DNASE2B: variants seen among roughly 807,000 people sequenced by gnomAD.
DNASE2B encodes the protein deoxyribonuclease-2-beta.
A neutral mutation model predicts 46.0 loss-of-function variants in DNASE2B; 43 were observed. That is an observed-to-expected ratio of 0.94 (90% CI 0.73 to 1.21). The LOEUF (loss-of-function observed/expected upper bound fraction) is 1.21. Among genes scored for constraint, DNASE2B ranks in the 50% most tolerant of loss-of-function variants. The pLI, the probability that DNASE2B is intolerant of heterozygous loss-of-function variation, is 0.00. For synonymous variants in DNASE2B, 156 were observed against 152.5 expected (o/e 1.02, Z -0.17); for missense variants, 395 against 414.4 (o/e 0.95, Z 0.41).
chr1:84,398,782 T>C (rs1680350847), intron 1 of DNASE2B, 93 bp downstream of exon 1: 1 of 1,511,714 alleles, frequency 6.6e-7, no homozygotes, highest in Non-Finnish European at 8.9e-7. Context: ...GGAATGTCCA[T>C]TCTCTTTCCT....
chr1:84,407,940 T>A (rs955168131), intron 2 of DNASE2B, among the ~76,000 whole-genome samples: 3 of 152,056 alleles, frequency 2.0e-5, no homozygotes, highest in Middle Eastern at 3.2e-3. Context: ...GGGATCCTGA[T>A]TAAACACAAC....
chr1:84,410,735 A>T, intron 3 of DNASE2B, 103 bp from the exon 4 acceptor site: 1 of 1,078,680 alleles, frequency 9.3e-7, no homozygotes. Context: ...CTAATAAAAC[A>T]CTAGTCTGAA....
chr1:84,398,823 C>A, intron 1 of DNASE2B, 134 bp downstream of exon 1: 1 of 1,341,394 alleles, frequency 7.5e-7, no homozygotes. Context: ...TTAAAGTGTG[C>A]AAATCGGCCA....
Position 84,398,677 on chromosome 1 carries a change from A to G in DNASE2B, c.113A>G (p.Lys38Arg), listed in dbSNP as rs1680348010. ...ATTTCATGCAGAAATGAAGAAGGGA[A>G]AGCTGTGGACTGGTAGGTAAATGAA... ...ATISCRNEEGKAVDWFTFYKL... is the reference protein window; with the variant it reads ...ATISCRNEEGRAVDWFTFYKL... The change falls in exon 1 of 6, where the codon AAA becomes AGA. Residue 38 changes from lysine (K) to arginine (R), a missense_variant. By Grantham distance (26) the Lys-to-Arg change is conservative (BLOSUM62 2). Transcript: ENST00000370665. 1 of 1,613,872 alleles carries G rather than the reference A, an allele frequency of 6.2e-7. No individual in the cohort carries two copies.
At chr1:84,405,660 G>T (rs1680481256) in intron 2 of DNASE2B, among the ~76,000 whole-genome samples, 1 of 152,196 alleles carries the variant, frequency 6.6e-6, no homozygotes, top group South Asian at 2.1e-4. Context: ...GATCACTTTT[G>T]ACTACAGTAT....
intron 1 of DNASE2B, among the ~76,000 whole-genome samples, chr1:84,400,858 A>G (rs982682580): frequency 2.0e-5 from 3 of 152,222 alleles, no homozygotes; most frequent in African/African-American, 7.2e-5. Flanking sequence ...TCAAGTCAGC[A>G]CCAAAGAATA....
In DNASE2B at chr1:84,414,884, A is replaced by G; in HGVS notation, c.*16A>G. 6.3e-7 allele frequency: 1 copy of G among 1,580,228 alleles called. No individual in the cohort carries two copies. On this transcript the variant is annotated 3_prime_UTR_variant, in exon 6 of 6. Transcript: ENST00000370665. Reference sequence around the variant, plus strand: ...CTGTAAGTAAACTTGGTGAAAGGACACAGGTACTATCATTGAAAACCTTGA... The same window carrying G: ...CTGTAAGTAAACTTGGTGAAAGGACGCAGGTACTATCATTGAAAACCTTGA...
intron 2 of DNASE2B, among the ~76,000 whole-genome samples, chr1:84,405,114 A>G (rs1680475781): frequency 6.6e-6 from 1 of 151,904 alleles, no homozygotes; most frequent in Admixed American, 6.6e-5. Flanking sequence ...CTGTTATCTT[A>G]ATTTTTTTTT....
intron 5 of DNASE2B, among the ~76,000 whole-genome samples, chr1:84,413,809 G>A (rs930370708): frequency 2.6e-5 from 4 of 152,160 alleles, no homozygotes; most frequent in East Asian, 1.9e-4. Context: ...AACTCACTGC[G>A]TCATCATCCC....
intron 3 of DNASE2B, among the ~76,000 whole-genome samples, chr1:84,410,364 C>A (rs1311591838): frequency 6.6e-6 from 1 of 152,122 alleles, no homozygotes; most frequent in Non-Finnish European, 1.5e-5. Context: ...AATAAATGGG[C>A]AGCAGTTTTT....
At chr1:84,403,371 T>C (rs1418123402) in intron 2 of DNASE2B, among the ~76,000 whole-genome samples, 2 of 152,226 alleles carry the variant, frequency 1.3e-5, no homozygotes, top group South Asian at 2.1e-4. Context: ...ATATATCTTA[T>C]ATACTATATT....
In DNASE2B at chr1:84,414,726, C is replaced by A; in HGVS notation, c.944C>A (p.Thr315Asn). 2 of 1,614,176 alleles carry A rather than the reference C, an allele frequency of 1.2e-6. No homozygotes were observed. The highest frequency in any genetic ancestry group is 1.7e-6 in the Non-Finnish European group (2 of 1,180,026). ...AAGTGGTGTATTTCCCAAAAGGGCACCAAAAATCGCTGGACATGTATTGGA... is the reference window on the plus strand; with the variant it reads ...AAGTGGTGTATTTCCCAAAAGGGCAACAAAAATCGCTGGACATGTATTGGA... ...HAKWCISQKG[T>N]KNRWTCIGDL... is the part of the protein sequence containing the mutation. The change falls in exon 6 of 6, where the codon ACC becomes AAC. Residue 315 changes from threonine to asparagine, a missense_variant. Coordinates refer to ENST00000370665, the MANE Select transcript of DNASE2B (RefSeq NM_021233.3).
chr1:84,407,524 T>C (rs1481028868), intron 2 of DNASE2B, among the ~76,000 whole-genome samples: 9 of 152,152 alleles, frequency 5.9e-5, no homozygotes, highest in Non-Finnish European at 1.2e-4. Context: ...GCTTCTTCAT[T>C]GAATTTGTTT....
chr1:84,401,836 TACAGTTACTGCC>T lies in DNASE2B; in HGVS notation c.126-60_126-49del, dbSNP rs1488836924. 1,066 of 1,251,000 alleles carry T rather than the reference TACAGTTACTGCC, an allele frequency of 8.5e-4. 1 individual carries two copies. Among genetic ancestry groups the T allele is most frequent in the Non-Finnish European group, 1.1e-3 (1,031 of 929,832 alleles). The allele number at this position is 1,251,000 out of a possible 1,614,324, so 77.5% of individuals were successfully genotyped here. A position where few individuals can be genotyped will look rare whatever the true frequency, so the allele number is the denominator to read the frequency against. On this transcript the variant is annotated intron_variant, in intron 1 of 5. Coordinates refer to ENST00000370665, the MANE Select transcript of DNASE2B (RefSeq NM_021233.3). ...ATGAGAGATATATTAAAGTGTGTAA[TACAGTTACTGCC>T]ACAGGAAAACAGTCAATAAATGTTA... is the stretch of plus-strand genomic sequence containing the variant.
Position 84,408,445 on chromosome 1 carries a change from C to G in DNASE2B, c.312C>G (p.Asn104Lys). The change falls in exon 3 of 6, where the codon AAC becomes AAG. Residue 104 changes from asparagine to lysine, a missense_variant. Asn to Lys is a moderately conservative substitution (Grantham distance 94). Transcript: ENST00000370665. The stretch of plus-strand genomic sequence containing the variant: ...CTAATATATTCCTGCAGAGTAACAA[C>G]ACAGCCTATCTAATATACAATGATG... Reference protein sequence around the residue: ...LYEAYASKSNNTAYLIYNDGV... With the variant: ...LYEAYASKSNKTAYLIYNDGV... 6.2e-7 allele frequency: 1 copy of G among 1,608,478 alleles called. No homozygotes were observed. Among genetic ancestry groups the G allele is most frequent in the Non-Finnish European group, 8.5e-7 (1 of 1,177,100 alleles).
At chr1:84,401,330 G>A (rs983479289) in intron 1 of DNASE2B, among the ~76,000 whole-genome samples, 2 of 152,170 alleles carry the variant, frequency 1.3e-5, no homozygotes, top group African/African-American at 4.8e-5. Context: ...ATGCCTTAAT[G>A]CTGTCTTGGC....
intron 2 of DNASE2B, among the ~76,000 whole-genome samples, chr1:84,402,665 G>A (rs1680440922): frequency 6.6e-6 from 1 of 152,198 alleles, no homozygotes; most frequent in African/African-American, 2.4e-5. Flanking sequence ...CAGCCAAAGA[G>A]ACACAGGTAA....
In DNASE2B at chr1:84,414,862, TA is replaced by T. The variant is rs1324123979; in HGVS notation, c.1082del (p.Lys361SerfsTer42). On this transcript the variant is annotated frameshift_variant, in exon 6 of 6. Coordinates refer to ENST00000370665, the MANE Select transcript of DNASE2B (RefSeq NM_021233.3). LOFTEE classifies it high-confidence loss of function. ...GATTAGTATTATACTATGAAAGCTG[TA>T]AGTAAACTTGGTGAAAGGACACAGG... Reference protein sequence around the residue: ...QGLVLYYESCK With the variant: ...QGLVLYYESCX 6.2e-7 allele frequency: 1 copy of T among 1,606,434 alleles called. No individual in the cohort carries two copies. Among genetic ancestry groups the T allele is most frequent in the Non-Finnish European group, 8.5e-7 (1 of 1,174,558 alleles).
chr1:84,409,062 AT>A (rs1051033171), intron 3 of DNASE2B, among the ~76,000 whole-genome samples: 2 of 151,892 alleles, frequency 1.3e-5, no homozygotes, highest in African/African-American at 4.8e-5. Flanking sequence ...TCCTTTCACA[AT>A]TTTTTTATTT....
Sources: gnomAD v4.1 joint callset for allele counts (sites outside exome capture counted in the v4.1 genomes callset) on GRCh38, gnomAD v4.1.1 for gene constraint, MANE v1.5 for transcripts, NCBI Gene and HGNC (gene_info 2026-07-23, HGNC 2026-07-21) for gene names.